Variants in EPS15L1 observed in about 807,000 individuals in gnomAD.
EPS15L1 encodes the protein epidermal growth factor receptor substrate 15-like 1.
EPS15L1 carries 43 observed loss-of-function variants against 117.1 expected under a neutral mutation model. The observed-to-expected ratio is 0.37, with a 90% CI of 0.29 to 0.47. The LOEUF is 0.47. Among genes scored for constraint, EPS15L1 ranks in the 20% least tolerant of loss-of-function variants. EPS15L1 has a pLI of 0.99. For synonymous variants in EPS15L1, 459 were observed against 470.5 expected (o/e 0.98, Z 0.32); for missense variants, 981 against 1,164.0 (o/e 0.84, Z 2.29).
rs2092123595 is a variant in EPS15L1, at chr19:16,365,641, G to A, written c.2381-3657C>T. ...TGCACCCCAGCCTGTGGGTTTGCAG[G>A]GGATAGGGACAGTGACCTCAGCCAG... On this transcript the variant is annotated intron_variant, in intron 22 of 23. Coordinates refer to ENST00000455140, the MANE Select transcript of EPS15L1 (RefSeq NM_001258374.3). This position sits in a 1 kb window ranked among gnomAD's most constrained non-coding sequence, Gnocchi z 4.9. Among the ~76,000 whole-genome samples, 1 of 152,204 alleles carries A rather than the reference G, an allele frequency of 6.6e-6. No individual in the cohort carries two copies. The highest frequency in any genetic ancestry group is 2.1e-4 in the South Asian group (1 of 4,836).
chr19:16,412,894 G>A (rs2092721497), intron 13 of EPS15L1: 1 of 622,786 alleles, frequency 1.6e-6, no homozygotes, highest in Non-Finnish European at 3.0e-6. Context: ...CACCAAGCTG[G>A]GCCGCCTGGT....
At chr19:16,452,349 G>A (rs767997653) in intron 1 of EPS15L1, among the ~76,000 whole-genome samples, 40 of 151,914 alleles carry the variant, frequency 2.6e-4, no homozygotes, top group Non-Finnish European at 4.1e-4. Flanking sequence ...AGGAGGCTGC[G>A]GCAGGAGAAT....
intron 1 of EPS15L1, among the ~76,000 whole-genome samples, chr19:16,468,896 T>C (rs1300405498): frequency 6.6e-6 from 1 of 152,216 alleles, no homozygotes; most frequent in Non-Finnish European, 1.5e-5. Context: ...GCTGCGCTCC[T>C]GTAGTCCCAG....
At chr19:16,437,709 A>G in intron 5 of EPS15L1, 61 bp downstream of exon 5, 1 of 1,196,404 alleles carries the variant, frequency 8.4e-7, no homozygotes, top group Admixed American at 1.7e-5. Context: ...ACACATGCAC[A>G]TACACACACA....
intron 21 of EPS15L1, among the ~76,000 whole-genome samples, chr19:16,379,147 T>C (rs953489001): frequency 1.3e-5 from 2 of 151,842 alleles, no homozygotes; most frequent in African/African-American, 4.8e-5. Context: ...CTACTAAAAA[T>C]ACAAAAAATT....
intron 5 of EPS15L1, 146 bp downstream of exon 5, chr19:16,437,624 A>T (rs1262782615): frequency 1.6e-6 from 1 of 628,432 alleles, no homozygotes; most frequent in East Asian, 2.8e-5. Flanking sequence ...TAAAATTATT[A>T]ATTTTCTATT....
chr19:16,374,657 G>T (rs889313607), intron 22 of EPS15L1, among the ~76,000 whole-genome samples: 1 of 152,208 alleles, frequency 6.6e-6, no homozygotes, highest in Non-Finnish European at 1.5e-5. Context: ...GTGGGGAGGC[G>T]GGGGTGGCGG....
intron 1 of EPS15L1, among the ~76,000 whole-genome samples, chr19:16,450,379 C>G (rs2093128085): frequency 1.3e-5 from 2 of 151,256 alleles, no homozygotes; most frequent in Non-Finnish European, 2.9e-5. Flanking sequence ...CTCTCCAGGG[C>G]AGGGAACGCA....
intron 13 of EPS15L1, among the ~76,000 whole-genome samples, chr19:16,407,843 T>C (rs1471821892): frequency 2.0e-5 from 3 of 152,176 alleles, no homozygotes; most frequent in African/African-American, 7.2e-5. Context: ...AGCCAACCCC[T>C]GTGACGTGAC....
At chr19:16,417,518 C>G in intron 12 of EPS15L1, 34 bp downstream of exon 12, 1 of 1,557,768 alleles carries the variant, frequency 6.4e-7, no homozygotes, top group Non-Finnish European at 8.9e-7. Flanking sequence ...CGTGTAACAT[C>G]TGGATGTGGA....
chr19:16,458,680 ACACT>A (rs1169850710), intron 1 of EPS15L1, among the ~76,000 whole-genome samples: 19 of 151,984 alleles, frequency 1.3e-4, no homozygotes, highest in Admixed American at 3.9e-4. Context: ...CTCCACACAC[ACACT>A]CACTCACACA....
chr19:16,453,887 A>AAT (rs2093170251), intron 1 of EPS15L1, among the ~76,000 whole-genome samples: 1 of 54,362 alleles, frequency 1.8e-5, no homozygotes, highest in East Asian at 6.4e-4. Context: ...GAATTCCTAT[A>AAT]AAAAAAAAAA....
intron 22 of EPS15L1, among the ~76,000 whole-genome samples, chr19:16,372,373 A>G (rs915889264): frequency 6.6e-6 from 1 of 152,190 alleles, no homozygotes; most frequent in Admixed American, 6.5e-5. Flanking sequence ...TAAGACAAGC[A>G]GCTCCCACGG....
chr19:16,375,965 G>A (rs1487469783), intron 22 of EPS15L1, among the ~76,000 whole-genome samples: 3 of 152,240 alleles, frequency 2.0e-5, no homozygotes, highest in African/African-American at 7.2e-5. Flanking sequence ...TGAGCTGGGG[G>A]CATGCGGAGC....
chr19:16,437,525 T>C lies in EPS15L1; in HGVS notation c.309+245A>G, dbSNP rs2092989994. The stretch of plus-strand genomic sequence containing the variant: ...TTACTTAATGTGGATGGGGTCTCCT[T>C]GCGGAGGGATGAAAAAGTTCTGGAG... On this transcript the variant is annotated intron_variant, in intron 5 of 23. Coordinates refer to ENST00000455140, the MANE Select transcript of EPS15L1 (RefSeq NM_001258374.3). Among the ~76,000 whole-genome samples the C allele has an allele frequency of 2.6e-5, 4 of 152,102 alleles. No homozygotes were observed. In the South Asian group the frequency reaches 8.3e-4, roughly 31 times the overall value.
At chr19:16,399,485 G>A (rs1449540796) in intron 16 of EPS15L1, among the ~76,000 whole-genome samples, 1 of 152,124 alleles carries the variant, frequency 6.6e-6, no homozygotes, top group Non-Finnish European at 1.5e-5. Flanking sequence ...TCTGAAAGGG[G>A]GCTGAAGAAG....
intron 1 of EPS15L1, among the ~76,000 whole-genome samples, chr19:16,453,056 T>G (rs1034045711): frequency 6.6e-6 from 1 of 152,016 alleles, no homozygotes; most frequent in Non-Finnish European, 1.5e-5. Context: ...CGCCTCGGTC[T>G]CCCAAAGTGC....
chr19:16,434,341 G>T (rs575711036), intron 7 of EPS15L1, 24 bp downstream of exon 7: 1 of 1,611,050 alleles, frequency 6.2e-7, no homozygotes, highest in Non-Finnish European at 8.5e-7. Context: ...GAGTGCAGAA[G>T]AACCAAGCCC....
At chr19:16,465,986 ATTTT>A (rs1210019369) in intron 1 of EPS15L1, among the ~76,000 whole-genome samples, 3 of 126,200 alleles carry the variant, frequency 2.4e-5, no homozygotes, top group Non-Finnish European at 3.4e-5. Flanking sequence ...CACTTTATCT[ATTTT>A]TTTTTTTTTT....
Sources: allele counts gnomAD v4.1 joint callset (sites outside exome capture counted in the v4.1 genomes callset), GRCh38; gene constraint gnomAD v4.1.1; non-coding constraint Gnocchi (gnomAD v3.1); transcripts MANE v1.5; gene names NCBI Gene and HGNC (gene_info 2026-07-23, HGNC 2026-07-21).